The following PCDH19 variants were observed in gnomAD, a reference collection of about 807,000 sequenced individuals.
The protein encoded by PCDH19 is protocadherin 19.
In PCDH19, 6 loss-of-function variants were observed where a neutral mutation model predicts 46.2. The ratio of observed to expected loss-of-function variants is 0.13; its 90% CI spans 0.07 to 0.26. The LOEUF (loss-of-function observed/expected upper bound fraction) is 0.26. Ranked by LOEUF, PCDH19 falls within the 10% of genes least tolerant of loss-of-function variation. The pLI is 1.00. For missense variants in PCDH19, 740 were observed against 972.3 expected (o/e 0.76, Z 3.18); for synonymous variants, 481 against 415.7 (o/e 1.16, Z -1.91).
chrX:100,366,241 T>C (rs1927067639), intron 3 of PCDH19, among the ~76,000 whole-genome samples: 1 of 111,986 alleles, frequency 8.9e-6, no homozygotes, highest in Non-Finnish European at 1.9e-5. Context: ...TTTTGCCCAC[T>C]GGGGATTGTT....
At chrX:100,329,696 T>A (rs753578791) in intron 5 of PCDH19, among the ~76,000 whole-genome samples, 1 of 109,653 alleles carries the variant, frequency 9.1e-6, no homozygotes, top group East Asian at 2.9e-4. Context: ...GATCACGAGG[T>A]CAGGAGGTCA....
intron 3 of PCDH19, among the ~76,000 whole-genome samples, chrX:100,392,940 A>G (rs73248487): frequency 9.9e-4 from 111 of 111,741 alleles, no homozygotes; most frequent in Non-Finnish European, 1.8e-3. Context: ...ATGGTTTTAT[A>G]GCAAACGACC....
intron 2 of PCDH19, 86 bp downstream of exon 2, chrX:100,403,438 T>G: frequency 1.1e-6 from 1 of 946,656 alleles, no homozygotes; most frequent in Non-Finnish European, 1.5e-6. Flanking sequence ...CTAGCCCGGT[T>G]CCCTTTTACT....
intron 3 of PCDH19, among the ~76,000 whole-genome samples, chrX:100,396,985 A>G (rs1261584159): frequency 1.8e-5 from 2 of 112,312 alleles, no homozygotes; most frequent in African/African-American, 6.5e-5. Flanking sequence ...TAAGGAGACA[A>G]ACAAACAAGA....
intron 5 of PCDH19, among the ~76,000 whole-genome samples, chrX:100,319,510 G>A (rs1334641835): frequency 8.9e-6 from 1 of 111,867 alleles, no homozygotes; most frequent in Non-Finnish European, 1.9e-5. Flanking sequence ...TATTTCTCCA[G>A]CAAAACCACA....
intron 3 of PCDH19, among the ~76,000 whole-genome samples, chrX:100,385,749 C>T (rs1485821417): frequency 6.3e-5 from 7 of 110,929 alleles, no homozygotes; most frequent in African/African-American, 2.3e-4. Context: ...CAAAAATTAG[C>T]CAGGTATGGT....
At chrX:100,336,148 C>T (rs1926080904) in intron 5 of PCDH19, among the ~76,000 whole-genome samples, 1 of 112,197 alleles carries the variant, frequency 8.9e-6, no homozygotes, top group Non-Finnish European at 1.9e-5. Flanking sequence ...CTGGCCCATG[C>T]TACCATATCT....
chrX:100,329,063 C>T (rs1925791121), intron 5 of PCDH19, among the ~76,000 whole-genome samples: 1 of 112,256 alleles, frequency 8.9e-6, no homozygotes, highest in Non-Finnish European at 1.9e-5. Context: ...TCAGCAAGTG[C>T]TCACTTGCTG....
chrX:100,300,121 C>T (rs1924730138), intron 5 of PCDH19, among the ~76,000 whole-genome samples: 1 of 112,206 alleles, frequency 8.9e-6, no homozygotes, highest in Non-Finnish European at 1.9e-5. Context: ...CTGCCCAGCA[C>T]AGGGTAATTT....
At chrX:100,376,653 C>T (rs191650243) in intron 3 of PCDH19, among the ~76,000 whole-genome samples, 117 of 106,684 alleles carry the variant, frequency 1.1e-3, no homozygotes, top group Admixed American at 4.1e-3. Context: ...GATAAAAACA[C>T]ATCCCTTTGT....
intron 3 of PCDH19, among the ~76,000 whole-genome samples, chrX:100,367,624 T>C (rs961160170): frequency 9.0e-6 from 1 of 111,547 alleles, no homozygotes; most frequent in Non-Finnish European, 1.9e-5. Context: ...GTTGGTTCCC[T>C]GGAGCCATTT....
At chrX:100,321,801 TTTTTC>T (rs1322295343) in intron 5 of PCDH19, among the ~76,000 whole-genome samples, 3 of 32,207 alleles carry the variant, frequency 9.3e-5, no homozygotes, top group Non-Finnish European at 2.0e-4. Flanking sequence ...TTTTTTTTTT[TTTTTC>T]TGAGACAGAG....
At chrX:100,328,720 T>C (rs1374677846) in intron 5 of PCDH19, among the ~76,000 whole-genome samples, 1 of 111,943 alleles carries the variant, frequency 8.9e-6, no homozygotes, top group Non-Finnish European at 1.9e-5. Context: ...TTATACCAAC[T>C]ACAGAACCAA....
At chrX:100,305,196 G>T (rs1924907318) in intron 5 of PCDH19, among the ~76,000 whole-genome samples, 1 of 111,939 alleles carries the variant, frequency 8.9e-6, no homozygotes, top group Non-Finnish European at 1.9e-5. Flanking sequence ...AACCTACAAA[G>T]GAAAACCTAT....
At chrX:100,319,718 T>C (rs1925417064) in intron 5 of PCDH19, among the ~76,000 whole-genome samples, 1 of 112,085 alleles carries the variant, frequency 8.9e-6, no homozygotes, top group Admixed American at 9.4e-5. Flanking sequence ...GGTAGTTCCA[T>C]CACACAGGAA....
intron 5 of PCDH19, among the ~76,000 whole-genome samples, chrX:100,327,448 T>C (rs748867574): frequency 3.6e-5 from 4 of 112,301 alleles, no homozygotes; most frequent in African/African-American, 1.3e-4. Flanking sequence ...GGCAGACTAA[T>C]GATGTCAATC....
intron 3 of PCDH19, among the ~76,000 whole-genome samples, chrX:100,399,461 G>A (rs751686966): frequency 1.8e-5 from 2 of 111,394 alleles, no homozygotes; most frequent in Non-Finnish European, 1.9e-5. Flanking sequence ...TCTCTCTAAC[G>A]CCAGAGCCTA....
At chrX:100,309,547 A>T in intron 5 of PCDH19, among the ~76,000 whole-genome samples, 1 of 112,122 alleles carries the variant, frequency 8.9e-6, no homozygotes, top group Middle Eastern at 4.6e-3. Flanking sequence ...AAATAAATTT[A>T]AAAAAATGTT....
At chrX:100,302,280 G>A (rs1427122056) in intron 5 of PCDH19, among the ~76,000 whole-genome samples, 1 of 111,992 alleles carries the variant, frequency 8.9e-6, no homozygotes, top group Non-Finnish European at 1.9e-5. Flanking sequence ...TTTAGTAGGA[G>A]AGGGGCATCT....
Sources: allele counts gnomAD v4.1 joint callset (sites outside exome capture counted in the v4.1 genomes callset), GRCh38; gene constraint gnomAD v4.1.1; transcripts MANE v1.5; gene names NCBI Gene and HGNC (gene_info 2026-07-23, HGNC 2026-07-21).